The following AMBN variants were observed in gnomAD, a reference collection of about 807,000 sequenced individuals.
The protein encoded by AMBN is enamel matrix protein.
In AMBN, 54 loss-of-function variants were observed where a neutral mutation model predicts 48.0. That is an observed-to-expected ratio of 1.12 (90% CI 0.90 to 1.41). The LOEUF (loss-of-function observed/expected upper bound fraction) is 1.41, where lower values mean the gene tolerates loss of function less well. Ranked by LOEUF, AMBN falls within the 40% of genes most tolerant of loss-of-function variation. AMBN has a pLI of 0.00. For missense variants in AMBN, 571 were observed against 547.3 expected, an observed-to-expected ratio of 1.04 and a Z score of -0.43; for synonymous variants, 186 against 190.0, an observed-to-expected ratio of 0.98 and a Z score of 0.17.
intron 12 of AMBN, 129 bp from the exon 13 acceptor site, chr4:70,606,056 A>G (rs1258955820): frequency 2.9e-6 from 3 of 1,047,952 alleles, no homozygotes; most frequent in African/African-American, 1.6e-5. Context: ...ACACAAAGCT[A>G]TCAATCAGCC....
chr4:70,606,240 T>G lies in AMBN; in HGVS notation c.854T>G (p.Met285Arg). The G allele has an allele frequency of 6.2e-7, 1 of 1,614,090 alleles. No homozygotes were observed. The change falls in exon 13 of 13, where the codon ATG becomes AGG. Residue 285 changes from methionine (M) to arginine (R), a missense_variant. Physicochemically the swap from Met to Arg is moderately conservative, Grantham distance 91. Transcript: ENST00000322937. ...GCCATGTTTCCAGGATTTGGAGGCA[T>G]GAGGCCCGGCTTTGAGGGAATGCCC... The part of the protein sequence containing the change: ...YGAMFPGFGG[M>R]RPGFEGMPHN...
chr4:70,593,202 C>T, intron 1 of AMBN, 125 bp from the exon 2 acceptor site: 4 of 657,624 alleles, frequency 6.1e-6, no homozygotes, highest in Middle Eastern at 3.2e-4. Flanking sequence ...TGTTTTTGTT[C>T]TTCTAACCTT....
At position 70,606,318 on chromosome 4, in the gene AMBN, C is replaced by T. The variant is rs1212848275; in HGVS notation, c.932C>T (p.Ala311Val). The T allele has an allele frequency of 6.2e-7, 1 of 1,614,120 alleles. No individual in the cohort carries two copies. The highest frequency in any genetic ancestry group is 8.5e-7 in the Non-Finnish European group (1 of 1,180,006). The change falls in exon 13 of 13, where the codon GCT becomes GTT. Residue 311 changes from alanine (A) to valine (V), a missense_variant. Coordinates refer to ENST00000322937, the MANE Select transcript of AMBN (RefSeq NM_016519.6). ...ACTCTGGAATTTGACTCCCCAGTGGCTGCCACCAAAGGCCCTGAGAACGAA... is the reference window on the plus strand; with the variant it reads ...ACTCTGGAATTTGACTCCCCAGTGGTTGCCACCAAAGGCCCTGAGAACGAA... Reference protein sequence around the residue: ...DFTLEFDSPVAATKGPENEEG... With the variant: ...DFTLEFDSPVVATKGPENEEG...
In AMBN at chr4:70,602,839, A is replaced by T; in HGVS notation, c.609+3A>T. 3 of 1,590,790 alleles carry T rather than the reference A, an allele frequency of 1.9e-6. No individual in the cohort carries two copies. The highest frequency in any genetic ancestry group is 2.6e-6 in the Non-Finnish European group (3 of 1,166,622). ...TTCCTGATCCACAAGGTCCATCAGT[A>T]AGTACAGATCTCAGTGAGACACTTC... On this transcript the variant is annotated splice_donor_region_variant and intron_variant, in intron 8 of 12. Transcript: ENST00000322937.
rs1228890184 is a variant in AMBN at position 70,603,334 on chromosome 4, A to G, written c.708+15A>G. Reference sequence around the variant, plus strand: ...AACAATCTCCAGTAAGTTTTTTTTAATACCACATCTCTGTTTGCAATTTAC... The same window carrying G: ...AACAATCTCCAGTAAGTTTTTTTTAGTACCACATCTCTGTTTGCAATTTAC... On this transcript the variant is annotated intron_variant, in intron 10 of 12. Transcript: ENST00000322937. 1.2e-6 allele frequency: 2 copies of G among 1,613,468 alleles called. No individual in the cohort carries two copies. Among genetic ancestry groups the G allele is most frequent in the Non-Finnish European group, 1.7e-6 (2 of 1,179,650 alleles).
intron 2 of AMBN, among the ~76,000 whole-genome samples, chr4:70,593,863 T>TAAAAA (rs5859239): frequency 2.0e-4 from 28 of 138,276 alleles, no homozygotes; most frequent in African/African-American, 7.2e-4. Flanking sequence ...AGACTCCATT[T>TAAAAA]AAAAAAAAAA....
At chr4:70,596,925 A>C in intron 2 of AMBN, 74 bp from the exon 3 acceptor site, 1 of 1,367,820 alleles carries the variant, frequency 7.3e-7, no homozygotes, top group African/African-American at 1.4e-5. Flanking sequence ...TACTGGAGCA[A>C]TATCCTACGC....
intron 2 of AMBN, among the ~76,000 whole-genome samples, chr4:70,594,105 A>G (rs967102706): frequency 2.8e-4 from 43 of 152,212 alleles, no homozygotes; most frequent in Non-Finnish European, 2.5e-4. Context: ...AACTATCTCT[A>G]AATTTCTATG....
At chr4:70,593,210 C>T in intron 1 of AMBN, 117 bp from the exon 2 acceptor site, 2 of 727,048 alleles carry the variant, frequency 2.8e-6, no homozygotes, top group South Asian at 1.9e-5. Context: ...TTCTTCTAAC[C>T]TTTATCCCGG....
intron 9 of AMBN, 25 bp from the exon 10 acceptor site, chr4:70,603,235 T>C (rs1389104868): frequency 1.9e-6 from 3 of 1,606,428 alleles, no homozygotes; most frequent in Non-Finnish European, 2.6e-6. Flanking sequence ...TGAGAATTAC[T>C]TATTCTGTTT....
At position 70,606,441 on chromosome 4, in the gene AMBN, G is replaced by C; in HGVS notation, c.1055G>C (p.Gly352Ala). 1 of 1,613,902 alleles carries C rather than the reference G, an allele frequency of 6.2e-7. No individual in the cohort carries two copies. Among genetic ancestry groups the C allele is most frequent in the Non-Finnish European group, 8.5e-7 (1 of 1,179,970 alleles). ...LTELEPAPHA[G>A]LLALPKDDIP... ...GAGCTAGAACCTGCTCCCCACGCAG[G>C]GCTCCTTGCTCTCCCTAAGGATGAC... Residue 352 changes from glycine to alanine, a missense_variant, in exon 13 of 13, where the codon GGG becomes GCG. Physicochemically the swap from Gly to Ala is moderately conservative, Grantham distance 60 (BLOSUM62 0). Coordinates refer to ENST00000322937, the MANE Select transcript of AMBN (RefSeq NM_016519.6).
chr4:70,599,436 T>C (rs1278392648), intron 4 of AMBN, 100 bp from the exon 5 acceptor site: 15 of 876,276 alleles, frequency 1.7e-5, no homozygotes, highest in East Asian at 3.0e-5. Context: ...CAAGATTCCA[T>C]CTCAAAAAAA....
Position 70,606,860 on chromosome 4 carries a change from T to C in AMBN, c.*130T>C. On this transcript the variant is annotated 3_prime_UTR_variant, in exon 13 of 13. Transcript: ENST00000322937. ...ATTAAAAGCGCTAAGCATATATTAA[T>C]AAATGCAAGTGGCTAGAAATAGTGT... is the stretch of plus-strand genomic sequence containing the variant. 9.9e-7 allele frequency: 1 copy of C among 1,012,548 alleles called. No individual in the cohort carries two copies. The highest frequency in any genetic ancestry group is 2.6e-5 in the East Asian group (1 of 38,088). 62.7% of individuals were successfully genotyped at this position (1,012,548 alleles called of 1,614,324 possible). A position where few individuals can be genotyped will look rare whatever the true frequency, so the allele number is the denominator to read the frequency against.
rs767848385 is a variant in AMBN at position 70,606,720 on chromosome 4, A to G, written c.1334A>G (p.Gln445Arg). The part of the protein sequence containing the change: ...PEMMHDAWHF[Q>R]EP ...ATGATGCATGACGCATGGCATTTCC[A>G]AGAGCCCTGACAGCTCTAAGATATT... The change falls in exon 13 of 13, where the codon CAA becomes CGA. Residue 445 changes from glutamine to arginine, a missense_variant. By Grantham distance (43) the Gln-to-Arg change is conservative. Transcript: ENST00000322937. 6.2e-7 allele frequency: 1 copy of G among 1,611,576 alleles called. No homozygotes were observed. The highest frequency in any genetic ancestry group is 8.5e-7 in the Non-Finnish European group (1 of 1,178,682).
intron 4 of AMBN, among the ~76,000 whole-genome samples, chr4:70,598,823 G>T (rs1197307751): frequency 1.3e-5 from 2 of 151,806 alleles, no homozygotes; most frequent in Admixed American, 1.3e-4. Flanking sequence ...TGCCCAGGCT[G>T]AAGTGCAATG....
intron 3 of AMBN, among the ~76,000 whole-genome samples, chr4:70,598,076 G>A (rs1022959335): frequency 2.2e-4 from 33 of 152,250 alleles, no homozygotes; most frequent in African/African-American, 7.7e-4. Context: ...TCAATGGAAT[G>A]AGCTATTTTC....
At chr4:70,605,145 C>T (rs1737613652) in intron 12 of AMBN, among the ~76,000 whole-genome samples, 1 of 151,980 alleles carries the variant, frequency 6.6e-6, no homozygotes, top group African/African-American at 2.4e-5. Flanking sequence ...GGGCAGTTAG[C>T]CCAGTCCAGG....
rs201644638 is a variant in AMBN at position 70,598,432 on chromosome 4, A to G, written c.183+29A>G. 102 of 1,555,706 alleles carry G rather than the reference A, an allele frequency of 6.6e-5. No individual in the cohort carries two copies. In the African/African-American group the frequency reaches 1.0e-3, roughly 16 times the overall value. ...ATCATATTTCTTATTGCAAGTATTC[A>G]TGGTGGTGGTAGTGTTAATATTAGC... On this transcript the variant is annotated intron_variant, in intron 4 of 12. Transcript: ENST00000322937.
At chr4:70,595,071 C>G (rs1429497141) in intron 2 of AMBN, among the ~76,000 whole-genome samples, 1 of 152,068 alleles carries the variant, frequency 6.6e-6, no homozygotes, top group African/African-American at 2.4e-5. Context: ...CCCCCAAATT[C>G]TCAACAAGCT....
Sources: gnomAD v4.1 joint callset for allele counts (sites outside exome capture counted in the v4.1 genomes callset) on GRCh38, gnomAD v4.1.1 for gene constraint, MANE v1.5 for transcripts, NCBI Gene and HGNC (gene_info 2026-07-23, HGNC 2026-07-21) for gene names.